Variants in ENPP6 observed in about 807,000 individuals in gnomAD.
The protein encoded by ENPP6 is glycerophosphocholine cholinephosphodiesterase ENPP6.
In ENPP6, 32 loss-of-function variants were observed where a neutral mutation model predicts 42.0. That is an observed-to-expected ratio of 0.76 (90% CI 0.58 to 1.02). ENPP6 has a LOEUF of 1.02. Ranked by LOEUF, ENPP6 falls within the 50% of genes least tolerant of loss-of-function variation. The probability of loss-of-function intolerance (pLI) is 0.00; values close to 1 mark genes in which losing one functional copy is unlikely to be tolerated. For synonymous variants in ENPP6, 213 were observed against 216.0 expected (o/e 0.99, Z 0.12); for missense variants, 552 against 566.8 (o/e 0.97, Z 0.27).
intron 2 of ENPP6, among the ~76,000 whole-genome samples, chr4:184,152,514 A>G (rs1275530230): frequency 2.0e-5 from 3 of 152,156 alleles, no homozygotes; most frequent in African/African-American, 7.2e-5. Context: ...TATGCCTTCA[A>G]CGTTCTAGGC....
intron 6 of ENPP6, among the ~76,000 whole-genome samples, chr4:184,110,364 G>A (rs1355121002): frequency 1.3e-5 from 2 of 152,178 alleles, no homozygotes; most frequent in African/African-American, 2.4e-5. Context: ...AGGGGAAGCC[G>A]CTAGTGGGTT....
At chr4:184,118,304 C>T (rs565099170) in intron 3 of ENPP6, among the ~76,000 whole-genome samples, 82 of 152,210 alleles carry the variant, frequency 5.4e-4, no homozygotes, top group African/African-American at 1.6e-3. Context: ...GGGAAAAATC[C>T]GATTAAACTC....
intron 2 of ENPP6, among the ~76,000 whole-genome samples, chr4:184,127,360 T>C (rs1209470524): frequency 1.3e-5 from 2 of 151,552 alleles, no homozygotes; most frequent in Admixed American, 6.6e-5. Context: ...AAGTACTCAA[T>C]TAGTGAAAAA....
chr4:184,131,466 C>T (rs1268447790), intron 2 of ENPP6, among the ~76,000 whole-genome samples: 2 of 151,222 alleles, frequency 1.3e-5, no homozygotes, highest in African/African-American at 4.9e-5. Flanking sequence ...GATTCTCCTG[C>T]CTTAGCCTCC....
At position 184,131,136 on chromosome 4, in the gene ENPP6, A is replaced by ACTTTCTTTCTTT. The variant is rs1426151263; in HGVS notation, c.422-6865_422-6864insAAAGAAAGAAAG. The stretch of plus-strand genomic sequence containing the variant: ...ATTGTTTCAACTTGCTTCCACCAGC[A>ACTTTCTTTCTTT]CTTACTTTCTTTCTTTCTTTCTTTC... On this transcript the variant is annotated intron_variant, in intron 2 of 7. Coordinates refer to ENST00000296741, the MANE Select transcript of ENPP6 (RefSeq NM_153343.4). 5.5e-3 allele frequency among the ~76,000 whole-genome samples: 687 copies of ACTTTCTTTCTTT among 125,288 alleles called. 23 individuals carry two copies. The highest frequency in any genetic ancestry group is 0.019 in the Admixed American group (245 of 13,014). The allele number at this position is 125,288 out of a possible 152,430, so 82.2% of individuals were successfully genotyped here.
chr4:184,168,700 C>A (rs907307345), intron 1 of ENPP6, among the ~76,000 whole-genome samples: 2 of 152,336 alleles, frequency 1.3e-5, no homozygotes, highest in South Asian at 4.1e-4. Context: ...TTGCTTCTCC[C>A]GGTTTGAAGG....
chr4:184,215,729 A>G (rs947705330), intron 1 of ENPP6, among the ~76,000 whole-genome samples: 1 of 152,192 alleles, frequency 6.6e-6, no homozygotes, highest in Admixed American at 6.5e-5. Context: ...CTTAACACAT[A>G]TGGAGACCTG....
At chr4:184,163,328 G>A (rs914277190) in intron 1 of ENPP6, among the ~76,000 whole-genome samples, 2 of 152,096 alleles carry the variant, frequency 1.3e-5, no homozygotes, top group Non-Finnish European at 2.9e-5. Flanking sequence ...GTATATATTG[G>A]GGGTAAAAGG....
At chr4:184,183,058 A>C (rs944692862) in intron 1 of ENPP6, among the ~76,000 whole-genome samples, 1 of 152,222 alleles carries the variant, frequency 6.6e-6, no homozygotes. Context: ...CAAATTATGA[A>C]ATCTGAAGGA....
At chr4:184,108,572 G>T in intron 6 of ENPP6, among the ~76,000 whole-genome samples, 1 of 152,048 alleles carries the variant, frequency 6.6e-6, no homozygotes, top group East Asian at 1.9e-4. Flanking sequence ...CTTGTTTTGG[G>T]GATTTCTCAG....
In ENPP6 at chr4:184,116,840, C is replaced by G; in HGVS notation, c.855+16G>C. On this transcript the variant is annotated intron_variant, in intron 5 of 7. Coordinates refer to ENST00000296741, the MANE Select transcript of ENPP6 (RefSeq NM_153343.4). ...GCCCACATGGCCCTCCTCCGCCCCC[C>G]ACGGGTCTGTCTTGCCTCAGAGTGT... 1.9e-6 allele frequency: 3 copies of G among 1,612,556 alleles called. No individual in the cohort carries two copies. Among genetic ancestry groups the G allele is most frequent in the Non-Finnish European group, 2.5e-6 (3 of 1,179,696 alleles).
intron 3 of ENPP6, among the ~76,000 whole-genome samples, chr4:184,120,689 C>T (rs984596598): frequency 1.3e-5 from 2 of 152,182 alleles, no homozygotes; most frequent in African/African-American, 4.8e-5. Context: ...GGAAAAAGGG[C>T]CGTGTGTGGG....
chr4:184,151,554 G>A (rs6552753), intron 2 of ENPP6, among the ~76,000 whole-genome samples: 94 of 152,190 alleles, frequency 6.2e-4, no homozygotes, highest in Middle Eastern at 3.4e-3. Flanking sequence ...TTCTTCAAAG[G>A]AGGAAAAACT....
rs1223780041 is a variant in ENPP6, at chr4:184,208,985, T to TCA, written c.241+8592_241+8593dup. 2.2e-4 allele frequency among the ~76,000 whole-genome samples: 32 copies of TCA among 142,510 alleles called. 2 individuals carry two copies. The highest frequency in any genetic ancestry group is 8.5e-4 in the African/African-American group (32 of 37,516). The allele number at this position is 142,510 out of a possible 152,430, so 93.5% of individuals were successfully genotyped here. A position where few individuals can be genotyped will look rare whatever the true frequency, so the allele number is the denominator to read the frequency against. ...CCCCCAGCAGGAGCACACTGACACC[T>TCA]CACACGGCAGGGTATTCCAACAGAC... is the stretch of plus-strand genomic sequence containing the variant. On this transcript the variant is annotated intron_variant, in intron 1 of 7. Coordinates refer to ENST00000296741, the MANE Select transcript of ENPP6 (RefSeq NM_153343.4).
In ENPP6 at chr4:184,088,732, T is replaced by A. The variant is rs1169894574; in HGVS notation, c.*2445A>T. 1.3e-5 allele frequency: 2 copies of A among 152,236 alleles called. No individual in the cohort carries two copies. Among genetic ancestry groups the A allele is most frequent in the African/African-American group, 4.8e-5 (2 of 41,462 alleles). 9.4% of individuals were successfully genotyped at this position (152,236 alleles called of 1,614,324 possible). A position where few individuals can be genotyped will look rare whatever the true frequency, so the allele number is the denominator to read the frequency against. ...GCATTATTTAAGTAAAAAGCTTTAT[T>A]TTTTTCCCTCAGTGTCTGAATCTTC... On this transcript the variant is annotated 3_prime_UTR_variant, in exon 8 of 8. Transcript: ENST00000296741.
chr4:184,177,857 A>G (rs763563147), intron 1 of ENPP6, among the ~76,000 whole-genome samples: 8 of 151,046 alleles, frequency 5.3e-5, no homozygotes, highest in Non-Finnish European at 1.0e-4. Context: ...CCCCACAAAA[A>G]CTCCATCCAA....
In ENPP6 at chr4:184,155,858, C is replaced by A. The variant is rs540908608; in HGVS notation, c.242-2125G>T. On this transcript the variant is annotated intron_variant, in intron 1 of 7. Transcript: ENST00000296741. ...GTGAAAATTTCTCTCTTCTCTTCAACGCACATATTTAGCACTCTGGACTCT... is the reference window on the plus strand; with the variant it reads ...GTGAAAATTTCTCTCTTCTCTTCAAAGCACATATTTAGCACTCTGGACTCT... Among the ~76,000 whole-genome samples the A allele has an allele frequency of 3.3e-5, 5 of 152,332 alleles. 1 individual carries two copies. The highest frequency in any genetic ancestry group is 1.2e-4 in the African/African-American group (5 of 41,562).
intron 6 of ENPP6, among the ~76,000 whole-genome samples, chr4:184,105,220 G>A (rs1461967830): frequency 6.6e-6 from 1 of 152,140 alleles, no homozygotes; most frequent in Non-Finnish European, 1.5e-5. Context: ...AAGAAAGAAA[G>A]GGGTTGGGGT....
chr4:184,106,882 G>A (rs867670173), intron 6 of ENPP6, among the ~76,000 whole-genome samples: 1 of 152,326 alleles, frequency 6.6e-6, no homozygotes, highest in South Asian at 2.1e-4. Flanking sequence ...CTAGGTGCAC[G>A]ATTGCTGAGG....
Sources: gnomAD v4.1 joint callset for allele counts (sites outside exome capture counted in the v4.1 genomes callset) on GRCh38, gnomAD v4.1.1 for gene constraint, MANE v1.5 for transcripts, NCBI Gene and HGNC (gene_info 2026-07-23, HGNC 2026-07-21) for gene names.